ZFHX3: variants seen among roughly 807,000 people sequenced by gnomAD.
The protein encoded by ZFHX3 is zinc finger homeobox 3, also known as zinc finger homeobox protein 3.
ZFHX3 carries 42 observed loss-of-function variants against 279.1 expected under a neutral mutation model. That is an observed-to-expected ratio of 0.15 (90% CI 0.12 to 0.19). The LOEUF (loss-of-function observed/expected upper bound fraction) is 0.19, where lower values mean the gene tolerates loss of function less well. Ranked by LOEUF, ZFHX3 falls within the 10% of genes least tolerant of loss-of-function variation. The pLI, the probability that ZFHX3 is intolerant of heterozygous loss-of-function variation, is 1.00. For missense variants in ZFHX3, 4,981 were observed against 4,754.0 expected (o/e 1.05, Z -1.40); for synonymous variants, 2,293 against 1,957.8 (o/e 1.17, Z -4.52).
chr16:73,220,321 TG>T (rs1306108788), intron 5 of ZFHX3, among the ~76,000 whole-genome samples: 1 of 151,912 alleles, frequency 6.6e-6, no homozygotes, highest in Non-Finnish European at 1.5e-5. Flanking sequence ...GCAACAAATA[TG>T]CACATGAACC....
chr16:73,450,017 A>G (rs1469001698), intron 3 of ZFHX3, among the ~76,000 whole-genome samples: 1 of 152,204 alleles, frequency 6.6e-6, no homozygotes, highest in African/African-American at 2.4e-5. Flanking sequence ...CCCTATTTTA[A>G]AATATTTAAA....
At chr16:72,887,521 AG>A (rs1567565823) in intron 4 of ZFHX3, among the ~76,000 whole-genome samples, 1 of 151,800 alleles carries the variant, frequency 6.6e-6, no homozygotes, top group African/African-American at 2.4e-5. Context: ...GTGTGGAGGG[AG>A]CTGGGGAGTG....
At chr16:73,540,547 G>T (rs551476089) in intron 2 of ZFHX3, among the ~76,000 whole-genome samples, 1 of 152,186 alleles carries the variant, frequency 6.6e-6, no homozygotes, top group Non-Finnish European at 1.5e-5. Flanking sequence ...GTAAAAGCAG[G>T]AAGAGGATCA....
chr16:73,066,469 C>T (rs373739609), intron 8 of ZFHX3, among the ~76,000 whole-genome samples: 12 of 152,156 alleles, frequency 7.9e-5, no homozygotes, highest in East Asian at 5.8e-4. Context: ...GAGGAAGCCT[C>T]GGGCCCTCCG....
At chr16:73,420,358 T>C (rs1259267910) in intron 3 of ZFHX3, 1 of 152,222 alleles carries the variant, frequency 6.6e-6, no homozygotes, top group Non-Finnish European at 1.5e-5. Flanking sequence ...ATGGTTTTAT[T>C]TCAGTGGTTC....
intron 3 of ZFHX3, among the ~76,000 whole-genome samples, chr16:73,434,818 C>A (rs796823464): frequency 4.6e-5 from 7 of 152,174 alleles, no homozygotes; most frequent in African/African-American, 1.7e-4. Flanking sequence ...GACTGAGGTA[C>A]CCACTCAAAC....
intron 2 of ZFHX3, among the ~76,000 whole-genome samples, chr16:73,545,312 G>A (rs1043151276): frequency 6.6e-6 from 1 of 151,866 alleles, no homozygotes; most frequent in Non-Finnish European, 1.5e-5. Context: ...ATTTATCGTC[G>A]TTTCTTGATT....
rs74704984 is a variant in ZFHX3, at chr16:73,452,861, C to T, written c.-1291+3142G>A. On this transcript the variant is annotated intron_variant, in intron 3 of 17. Transcript: ENST00000641206. ...AACCAATGATTACCATTTCTATTAACGCACCAGACATTAAGTCATTAAGTC... is the reference window on the plus strand; with the variant it reads ...AACCAATGATTACCATTTCTATTAATGCACCAGACATTAAGTCATTAAGTC... Among the ~76,000 whole-genome samples the T allele has an allele frequency of 9.8e-5, 15 of 152,340 alleles. No individual in the cohort carries two copies. The East Asian group carries it at 2.3e-3, about 23-fold the overall frequency.
intron 1 of ZFHX3, among the ~76,000 whole-genome samples, chr16:73,778,076 C>A (rs1035934109): frequency 6.7e-6 from 1 of 149,874 alleles, no homozygotes; most frequent in African/African-American, 2.5e-5. Flanking sequence ...TAATATCAAA[C>A]AAAATAAATA....
At chr16:73,044,724 C>T (rs889443387) in intron 1 of ZFHX3, among the ~76,000 whole-genome samples, 6 of 152,180 alleles carry the variant, frequency 3.9e-5, no homozygotes, top group Non-Finnish European at 5.9e-5. Context: ...CAGATTCAAG[C>T]GATTCTCCTG....
At chr16:72,913,230 T>C (rs1469806760) in intron 3 of ZFHX3, among the ~76,000 whole-genome samples, 1 of 152,234 alleles carries the variant, frequency 6.6e-6, no homozygotes, top group Admixed American at 6.5e-5. Flanking sequence ...TACAATACTA[T>C]GACCAAGCTA....
chr16:73,642,229 A>G (rs534596929), intron 2 of ZFHX3, among the ~76,000 whole-genome samples: 5 of 152,180 alleles, frequency 3.3e-5, no homozygotes, highest in African/African-American at 1.2e-4. Flanking sequence ...TTCCTACTCT[A>G]CGATGGATTC....
chr16:72,803,914 C>G (rs1444326792), intron 7 of ZFHX3, among the ~76,000 whole-genome samples: 1 of 152,198 alleles, frequency 6.6e-6, no homozygotes, highest in Non-Finnish European at 1.5e-5. Flanking sequence ...CTAGACACCA[C>G]GTTTTCCTCC....
At chr16:73,049,379 C>A (rs1191235608), upstream of ZFHX3, among the ~76,000 whole-genome samples, 1 of 152,134 alleles carries the variant, frequency 6.6e-6, no homozygotes, top group Non-Finnish European at 1.5e-5. Flanking sequence ...GCTCATGAGG[C>A]GAAGAGCAGT....
intron 4 of ZFHX3, among the ~76,000 whole-genome samples, chr16:72,846,537 C>A (rs1294447028): frequency 6.6e-6 from 1 of 152,252 alleles, no homozygotes; most frequent in African/African-American, 2.4e-5. Flanking sequence ...TCCAGCACCT[C>A]TTCCTCTGGG....
intron 5 of ZFHX3, among the ~76,000 whole-genome samples, chr16:73,182,801 T>C (rs373918057): frequency 3.9e-4 from 59 of 149,478 alleles, no homozygotes; most frequent in African/African-American, 1.4e-3. Context: ...AGTCCAATAC[T>C]GCATGCTCTC....
chr16:72,864,847 C>T (rs1353900024), intron 4 of ZFHX3, among the ~76,000 whole-genome samples: 2 of 152,182 alleles, frequency 1.3e-5, no homozygotes, highest in Non-Finnish European at 2.9e-5. Flanking sequence ...GAAGATGATG[C>T]CTAGCGCAAT....
At chr16:73,168,268 T>TTTCTTTCTTTCTTTCTTTCTTTCC (rs1423778646) in intron 5 of ZFHX3, among the ~76,000 whole-genome samples, 1 of 150,302 alleles carries the variant, frequency 6.7e-6, no homozygotes, top group African/African-American at 2.5e-5. Context: ...TCTTTCTTTC[T>TTTCTTTCTTTCTTTCTTTCTTTCC]TTCTTTCTTT....
At chr16:72,860,092 G>A (rs989570893) in intron 4 of ZFHX3, among the ~76,000 whole-genome samples, 6 of 152,144 alleles carry the variant, frequency 3.9e-5, no homozygotes, top group East Asian at 3.9e-4. Context: ...CTCCCTCAGC[G>A]TTCCACATAC....
Sources: gnomAD v4.1 joint callset for allele counts (sites outside exome capture counted in the v4.1 genomes callset) on GRCh38, gnomAD v4.1.1 for gene constraint, MANE v1.5 for transcripts, NCBI Gene and HGNC (gene_info 2026-07-23, HGNC 2026-07-21) for gene names.